NTRK2: variants seen among roughly 807,000 people sequenced by gnomAD.
The protein encoded by NTRK2 is neurotrophic receptor tyrosine kinase 2.
In NTRK2, 13 loss-of-function variants were observed where a neutral mutation model predicts 94.5. That is an observed-to-expected ratio of 0.14 (90% CI 0.09 to 0.22). NTRK2 has a LOEUF of 0.22. Ranked by LOEUF, NTRK2 falls within the 10% of genes least tolerant of loss-of-function variation. The pLI, the probability that NTRK2 is intolerant of heterozygous loss-of-function variation, is 1.00. For missense variants in NTRK2, 639 were observed against 1,071.2 expected, an observed-to-expected ratio of 0.60 and a Z score of 5.63; for synonymous variants, 372 against 407.4, an observed-to-expected ratio of 0.91 and a Z score of 1.05.
intron 12 of NTRK2, among the ~76,000 whole-genome samples, chr9:84,783,835 G>A (rs191304994): frequency 6.6e-6 from 1 of 152,188 alleles, no homozygotes; most frequent in African/African-American, 2.4e-5. Flanking sequence ...AGGGCATGAA[G>A]GGGGCTAGGG....
At chr9:84,787,025 C>A (rs567336610) in intron 12 of NTRK2, among the ~76,000 whole-genome samples, 181 of 152,162 alleles carry the variant, frequency 1.2e-3, no homozygotes, top group Admixed American at 5.2e-3. Flanking sequence ...CAGGTGGGCG[C>A]GGTGGCTCAC....
chr9:84,747,105 A>G (rs753461175), intron 11 of NTRK2, among the ~76,000 whole-genome samples: 4 of 152,084 alleles, frequency 2.6e-5, no homozygotes, highest in African/African-American at 9.7e-5. Context: ...CATGTGATAT[A>G]TACTTGAACC....
chr9:84,873,288 T>C (rs1327109635), intron 14 of NTRK2: 3 of 1,059,796 alleles, frequency 2.8e-6, no homozygotes, highest in Admixed American at 5.4e-5. Context: ...GTTGTTTGTA[T>C]GCCTTGGAAG....
At chr9:85,013,829 G>T (rs747103896) in intron 17 of NTRK2, among the ~76,000 whole-genome samples, 1 of 152,158 alleles carries the variant, frequency 6.6e-6, no homozygotes, top group Non-Finnish European at 1.5e-5. Flanking sequence ...GTTTCTAAGG[G>T]ACTAGGATGT....
At chr9:84,686,912 T>C (rs1228735232) in intron 2 of NTRK2, among the ~76,000 whole-genome samples, 4 of 151,478 alleles carry the variant, frequency 2.6e-5, no homozygotes, top group African/African-American at 9.8e-5. Context: ...AAAAAGATAA[T>C]TCTTTCTTAA....
At chr9:84,794,034 A>G (rs1033053441) in intron 12 of NTRK2, among the ~76,000 whole-genome samples, 1 of 152,182 alleles carries the variant, frequency 6.6e-6, no homozygotes, top group African/African-American at 2.4e-5. Flanking sequence ...TTGACTTTGT[A>G]CAAGCTCAAG....
intron 17 of NTRK2, among the ~76,000 whole-genome samples, chr9:84,978,582 G>A (rs1294506886): frequency 2.0e-5 from 3 of 152,202 alleles, no homozygotes; most frequent in Non-Finnish European, 4.4e-5. Flanking sequence ...TGCTGATGGA[G>A]AAGCTACGGC....
chr9:84,876,150 C>G (rs1328628105), intron 14 of NTRK2: 4 of 1,040,110 alleles, frequency 3.8e-6, no homozygotes, highest in Non-Finnish European at 3.5e-6. Flanking sequence ...ACCCAAGCTC[C>G]TCATTAGATA....
chr9:84,887,353 G>A (rs1407415302), intron 14 of NTRK2, among the ~76,000 whole-genome samples: 2 of 152,036 alleles, frequency 1.3e-5, no homozygotes, highest in African/African-American at 4.8e-5. Flanking sequence ...GTTAACTTAC[G>A]GTTATCTTCC....
chr9:84,905,417 T>G (rs1312547956), intron 14 of NTRK2, among the ~76,000 whole-genome samples: 1 of 152,018 alleles, frequency 6.6e-6, no homozygotes, highest in Admixed American at 6.6e-5. Context: ...ACCTGAAGGA[T>G]AGAGGGAAGG....
intron 14 of NTRK2, among the ~76,000 whole-genome samples, chr9:84,901,151 AC>A (rs1288589225): frequency 6.6e-6 from 1 of 151,580 alleles, no homozygotes; most frequent in Non-Finnish European, 1.5e-5. Context: ...AATGTAAATT[AC>A]TATAGCTCTG....
At chr9:84,941,873 T>C (rs774683586) in intron 15 of NTRK2, among the ~76,000 whole-genome samples, 4 of 152,234 alleles carry the variant, frequency 2.6e-5, no homozygotes, top group Non-Finnish European at 5.9e-5. Context: ...CACCATATTA[T>C]TGCAAATAGT....
chr9:84,912,044 T>C (rs947817294), intron 14 of NTRK2, among the ~76,000 whole-genome samples: 2 of 152,202 alleles, frequency 1.3e-5, no homozygotes, highest in African/African-American at 4.8e-5. Flanking sequence ...GATTTGCAAG[T>C]GTTCAAAGAC....
At chr9:84,995,651 A>C (rs1829667391) in intron 17 of NTRK2, among the ~76,000 whole-genome samples, 1 of 152,164 alleles carries the variant, frequency 6.6e-6, no homozygotes, top group Admixed American at 6.5e-5. Context: ...GGACATCAGA[A>C]TGCCTAGCTT....
intron 12 of NTRK2, among the ~76,000 whole-genome samples, chr9:84,777,797 G>A (rs1168039625): frequency 1.3e-5 from 2 of 152,102 alleles, no homozygotes; most frequent in African/African-American, 4.8e-5. Context: ...GACAGTAAAG[G>A]TAGTTTGATC....
intron 17 of NTRK2, among the ~76,000 whole-genome samples, chr9:84,986,079 G>C (rs1588120867): frequency 6.6e-6 from 1 of 152,138 alleles, no homozygotes; most frequent in Non-Finnish European, 1.5e-5. Context: ...CTGTCTGAAG[G>C]CATGGGCAGG....
chr9:84,670,407 A>T lies in NTRK2; in HGVS notation c.-342A>T. 2.4e-6 allele frequency: 1 copy of T among 422,730 alleles called. No homozygotes were observed. Among genetic ancestry groups the T allele is most frequent in the South Asian group, 2.6e-5 (1 of 38,668 alleles). 26.2% of individuals were successfully genotyped at this position (422,730 alleles called of 1,614,324 possible). A position where few individuals can be genotyped will look rare whatever the true frequency, so the allele number is the denominator to read the frequency against. On this transcript the variant is annotated 5_prime_UTR_variant, in exon 2 of 19. Coordinates refer to ENST00000277120, the MANE Select transcript of NTRK2 (RefSeq NM_006180.6). ...AGGTGCATACCGGACCCCCATTCGC[A>T]TCTAACAAGGAATCTGCGCCCCAGA...
chr9:84,956,648 T>A (rs2586565), intron 17 of NTRK2, among the ~76,000 whole-genome samples: 103,616 of 152,026 alleles, frequency 0.68, 36,451 homozygotes, highest in Non-Finnish European at 0.78. Context: ...AGGGTAGGGC[T>A]GGTGAAGATG....
chr9:84,968,617 A>G (rs1355987018), intron 17 of NTRK2, among the ~76,000 whole-genome samples: 1 of 152,086 alleles, frequency 6.6e-6, no homozygotes, highest in East Asian at 1.9e-4. Flanking sequence ...GCAGACTTGG[A>G]TTTATTCTCA....
Sources: allele counts gnomAD v4.1 joint callset (sites outside exome capture counted in the v4.1 genomes callset), GRCh38; gene constraint gnomAD v4.1.1; transcripts MANE v1.5; gene names NCBI Gene and HGNC (gene_info 2026-07-23, HGNC 2026-07-21).